ZRANB3: variants seen among roughly 807,000 people sequenced by gnomAD.
ZRANB3 encodes DNA annealing helicase and endonuclease ZRANB3.
Under a neutral mutation model 133.8 loss-of-function variants are expected in ZRANB3, and 125 were observed. That is an observed-to-expected ratio of 0.93 (90% CI 0.81 to 1.08). The LOEUF (loss-of-function observed/expected upper bound fraction) is 1.08. Ranked by LOEUF, ZRANB3 falls within the 50% of genes least tolerant of loss-of-function variation. ZRANB3 has a pLI of 0.00. For synonymous variants in ZRANB3, 387 were observed against 432.7 expected (o/e 0.89, Z 1.31); for missense variants, 1,229 against 1,275.5 (o/e 0.96, Z 0.56).
intron 12 of ZRANB3, among the ~76,000 whole-genome samples, chr2:135,231,265 T>C (rs1013312197): frequency 1.3e-5 from 2 of 152,096 alleles, no homozygotes; most frequent in Admixed American, 6.6e-5. Context: ...TTTAGAGAGG[T>C]AAGATAACTT....
At chr2:135,233,443 C>G (rs557477080) in intron 12 of ZRANB3, among the ~76,000 whole-genome samples, 1 of 152,074 alleles carries the variant, frequency 6.6e-6, no homozygotes, top group South Asian at 2.1e-4. Context: ...ATACAGAGAA[C>G]GCCACAAAGA....
At chr2:135,381,702 T>G (rs945215765) in intron 3 of ZRANB3, among the ~76,000 whole-genome samples, 18 of 152,184 alleles carry the variant, frequency 1.2e-4, no homozygotes, top group African/African-American at 4.3e-4. Context: ...TCCACTGTTC[T>G]GCAGACTCCG....
At chr2:135,338,544 T>G (rs1684474363) in intron 6 of ZRANB3, among the ~76,000 whole-genome samples, 1 of 152,244 alleles carries the variant, frequency 6.6e-6, no homozygotes, top group Non-Finnish European at 1.5e-5. Context: ...GTTGACAATT[T>G]CAAGACATCC....
chr2:135,374,291 A>T (rs1686319461), intron 3 of ZRANB3, among the ~76,000 whole-genome samples: 1 of 152,086 alleles, frequency 6.6e-6, no homozygotes, highest in Non-Finnish European at 1.5e-5. Flanking sequence ...CTGTAATCCC[A>T]GCTACTCAGG....
chr2:135,369,585 T>G lies in ZRANB3; in HGVS notation c.181-15957A>C, dbSNP rs1686079526. Among the ~76,000 whole-genome samples the G allele has an allele frequency of 2.6e-5, 4 of 152,164 alleles. No homozygotes were observed. In the South Asian group the frequency reaches 8.3e-4, roughly 32 times the overall value. ...AAAAGTCAATCTTACACTTGTTTTTTTAAAGCAATGCAAGTTTTTTACAAA... is the reference window on the plus strand; with the variant it reads ...AAAAGTCAATCTTACACTTGTTTTTGTAAAGCAATGCAAGTTTTTTACAAA... On this transcript the variant is annotated intron_variant, in intron 3 of 20. Transcript: ENST00000264159.
chr2:135,462,002 G>T (rs1484520784), intron 2 of ZRANB3, among the ~76,000 whole-genome samples: 1 of 152,180 alleles, frequency 6.6e-6, no homozygotes, highest in African/African-American at 2.4e-5. Flanking sequence ...ACAGGTGCGG[G>T]ATAGAGTTGG....
intron 3 of ZRANB3, among the ~76,000 whole-genome samples, chr2:135,360,647 G>A (rs987439250): frequency 5.3e-5 from 8 of 152,264 alleles, no homozygotes; most frequent in Non-Finnish European, 8.8e-5. Flanking sequence ...GGAGCTTGCA[G>A]TGAGCGGAGA....
chr2:135,243,474 G>A lies in ZRANB3; in HGVS notation c.1540-12547C>T, dbSNP rs991565439. ...GCCAAGATCGTGCCACTGCACTCCAGCCTGGGCAAGAGAGTGAGACTCCTT... is the reference window on the plus strand; with the variant it reads ...GCCAAGATCGTGCCACTGCACTCCAACCTGGGCAAGAGAGTGAGACTCCTT... On this transcript the variant is annotated intron_variant, in intron 12 of 20. Coordinates refer to ENST00000264159, the MANE Select transcript of ZRANB3 (RefSeq NM_032143.4). Among the ~76,000 whole-genome samples, 6 of 152,300 alleles carry A rather than the reference G, an allele frequency of 3.9e-5. No individual in the cohort carries two copies. In the South Asian group the frequency reaches 8.3e-4, roughly 21 times the overall value.
At chr2:135,495,150 G>A (rs1027727288) in intron 2 of ZRANB3, among the ~76,000 whole-genome samples, 4 of 152,028 alleles carry the variant, frequency 2.6e-5, no homozygotes, top group African/African-American at 9.7e-5. Context: ...ATCACTTAGG[G>A]CTGTGAATAC....
chr2:135,202,095 TTAAG>T (rs2105031712), intron 20 of ZRANB3, among the ~76,000 whole-genome samples: 1 of 152,284 alleles, frequency 6.6e-6, no homozygotes, highest in South Asian at 2.1e-4. Flanking sequence ...ATGGGAATGG[TTAAG>T]TAAACTACAG....
intron 2 of ZRANB3, among the ~76,000 whole-genome samples, chr2:135,495,266 T>A (rs772802767): frequency 7.2e-5 from 11 of 152,174 alleles, no homozygotes. Context: ...AATAAAAAGT[T>A]AAATTATTAA....
chr2:135,506,527 G>A (rs187941332), intron 1 of ZRANB3, among the ~76,000 whole-genome samples: 342 of 152,186 alleles, frequency 2.2e-3, no homozygotes, highest in African/African-American at 6.0e-3. Flanking sequence ...AAGAAGGAAT[G>A]CTAATGGAGT....
chr2:135,350,277 C>T (rs2104873155), intron 4 of ZRANB3, 62 bp from the exon 5 acceptor site: 6 of 1,260,602 alleles, frequency 4.8e-6, no homozygotes, highest in African/African-American at 1.5e-5. Context: ...ATGAACAATA[C>T]AACTCTCTTG....
chr2:135,211,344 C>G (rs1031233247), intron 17 of ZRANB3, among the ~76,000 whole-genome samples: 11 of 151,912 alleles, frequency 7.2e-5, no homozygotes, highest in African/African-American at 2.7e-4. Flanking sequence ...AGTTCGAGAC[C>G]AGACTGGCCA....
chr2:135,312,282 C>T (rs1018447090), intron 8 of ZRANB3, among the ~76,000 whole-genome samples: 9 of 151,276 alleles, frequency 5.9e-5, no homozygotes, highest in African/African-American at 2.2e-4. Flanking sequence ...CACTGTAGCC[C>T]AGATCTTCTG....
intron 9 of ZRANB3, 95 bp downstream of exon 9, chr2:135,275,541 G>A: frequency 9.3e-7 from 1 of 1,078,278 alleles, no homozygotes. Flanking sequence ...ATCTAAAGAA[G>A]ACAAAAAACA....
At chr2:135,442,984 C>T (rs967537055) in intron 2 of ZRANB3, among the ~76,000 whole-genome samples, 11 of 151,874 alleles carry the variant, frequency 7.2e-5, no homozygotes, top group East Asian at 3.9e-4. Flanking sequence ...GGCATGGTGG[C>T]GGGCGCCTGT....
intron 2 of ZRANB3, among the ~76,000 whole-genome samples, chr2:135,479,527 C>T (rs561258686): frequency 3.3e-5 from 5 of 151,998 alleles, no homozygotes; most frequent in Admixed American, 6.6e-5. Context: ...CCCAGCTACT[C>T]GGAAGGCTGA....
At chr2:135,478,289 T>C (rs1691589696) in intron 2 of ZRANB3, among the ~76,000 whole-genome samples, 1 of 152,016 alleles carries the variant, frequency 6.6e-6, no homozygotes, top group African/African-American at 2.4e-5. Flanking sequence ...ATTATGTAAA[T>C]CTCAAGTATA....
Sources: gnomAD v4.1 joint callset for allele counts (sites outside exome capture counted in the v4.1 genomes callset) on GRCh38, gnomAD v4.1.1 for gene constraint, MANE v1.5 for transcripts, NCBI Gene and HGNC (gene_info 2026-07-23, HGNC 2026-07-21) for gene names.